Variants in GLIS3 observed in about 807,000 individuals in gnomAD.
GLIS3 encodes the protein zinc finger protein GLIS3.
In GLIS3, 53 loss-of-function variants were observed where a neutral mutation model predicts 78.6. That is an observed-to-expected ratio of 0.67 (90% CI 0.54 to 0.85). The LOEUF (loss-of-function observed/expected upper bound fraction) is 0.85. Among genes scored for constraint, GLIS3 ranks in the 40% least tolerant of loss-of-function variants. GLIS3 has a pLI of 0.00. For missense variants in GLIS3, 1,703 were observed against 1,231.1 expected (o/e 1.38, Z -5.74); for synonymous variants, 684 against 509.9 (o/e 1.34, Z -4.60).
the GLIS3 span, among the ~76,000 whole-genome samples, chr9:4,395,172 C>G: frequency 7.9e-5 from 12 of 152,142 alleles, no homozygotes; most frequent in African/African-American, 2.9e-4. Context: ...AAATTGGGCC[C>G]ATGAATTTAA....
At chr9:4,273,445 T>G (rs879335698) in intron 2 of GLIS3, among the ~76,000 whole-genome samples, 4 of 151,802 alleles carry the variant, frequency 2.6e-5, no homozygotes, top group Non-Finnish European at 5.9e-5. Context: ...AAAATAAAAT[T>G]AGCTGGGCAT....
chr9:3,926,716 G>A (rs999042938), intron 6 of GLIS3, among the ~76,000 whole-genome samples: 7 of 151,492 alleles, frequency 4.6e-5, no homozygotes, highest in African/African-American at 7.3e-5. Context: ...TCTGCCTCCC[G>A]CGTTCAAGGA....
At chr9:3,848,489 C>A (rs1288508900) in intron 9 of GLIS3, among the ~76,000 whole-genome samples, 1 of 152,000 alleles carries the variant, frequency 6.6e-6, no homozygotes, top group Non-Finnish European at 1.5e-5. Flanking sequence ...ACGACAAGAG[C>A]GAAACTCTGT....
intron 2 of GLIS3, among the ~76,000 whole-genome samples, chr9:4,222,927 T>C (rs938235355): frequency 6.6e-6 from 1 of 152,204 alleles, no homozygotes; most frequent in African/African-American, 2.4e-5. Context: ...TGGATTATGC[T>C]CTGTTCTGCT....
At chr9:4,456,260 G>C in the GLIS3 span, among the ~76,000 whole-genome samples, 1 of 152,196 alleles carries the variant, frequency 6.6e-6, no homozygotes, top group African/African-American at 2.4e-5. Context: ...TAAATTTTTG[G>C]TGGTAGTGTC....
chr9:3,891,674 C>G (rs185429963), intron 7 of GLIS3, among the ~76,000 whole-genome samples: 2 of 152,154 alleles, frequency 1.3e-5, no homozygotes, highest in Non-Finnish European at 2.9e-5. Context: ...TGCACTCTAG[C>G]GTGAGTGGCA....
intron 7 of GLIS3, chr9:3,898,467 A>C: frequency 1.7e-6 from 1 of 587,354 alleles, no homozygotes; most frequent in Non-Finnish European, 3.1e-6. Flanking sequence ...TCCATAACTA[A>C]AAGAGGTAAT....
chr9:4,094,165 G>A (rs958931642), intron 4 of GLIS3, among the ~76,000 whole-genome samples: 4 of 152,334 alleles, frequency 2.6e-5, no homozygotes, highest in East Asian at 3.9e-4. Flanking sequence ...ACATGGAAGA[G>A]AAGAGGAAAG....
chr9:3,841,020 G>A lies in GLIS3; in HGVS notation c.2474-11528C>T, dbSNP rs1818681476. 2.6e-5 allele frequency among the ~76,000 whole-genome samples: 4 copies of A among 152,324 alleles called. No individual in the cohort carries two copies. In the South Asian group the frequency reaches 8.3e-4, roughly 32 times the overall value. ...TGCAAAAGGTTCAAACAAGGGGATG[G>A]GAACGGGCAGAGCAGGTGGCTAAAA... is the stretch of plus-strand genomic sequence containing the variant. On this transcript the variant is annotated intron_variant, in intron 9 of 10. Transcript: ENST00000381971.
At chr9:4,374,184 C>G in the GLIS3 span, among the ~76,000 whole-genome samples, 1 of 152,200 alleles carries the variant, frequency 6.6e-6, no homozygotes, top group African/African-American at 2.4e-5. Context: ...ATACTGCCTT[C>G]TAATTGGATG....
intron 4 of GLIS3, among the ~76,000 whole-genome samples, chr9:4,053,980 A>T (rs1825936564): frequency 6.6e-6 from 1 of 152,254 alleles, no homozygotes; most frequent in South Asian, 2.1e-4. Flanking sequence ...CCAAGAATTT[A>T]CTTCAAGGTC....
the GLIS3 span, among the ~76,000 whole-genome samples, chr9:4,411,875 A>G: frequency 6.6e-6 from 1 of 152,238 alleles, no homozygotes; most frequent in African/African-American, 2.4e-5. Flanking sequence ...ATAATTTTAA[A>G]AACACTTTTG....
chr9:4,132,971 G>A (rs747555794), intron 2 of GLIS3, among the ~76,000 whole-genome samples: 4 of 152,068 alleles, frequency 2.6e-5, no homozygotes, highest in Admixed American at 6.6e-5. Flanking sequence ...TTGTTCTGAG[G>A]ATTAAAAGGG....
At chr9:3,941,590 T>C (rs1815922296) in intron 4 of GLIS3, among the ~76,000 whole-genome samples, 1 of 152,156 alleles carries the variant, frequency 6.6e-6, no homozygotes, top group South Asian at 2.1e-4. Flanking sequence ...CATTCCCCTG[T>C]TGAGAAAAAG....
Position 3,824,133 on chromosome 9 carries a change from G to A in GLIS3, c.*4139C>T, listed in dbSNP as rs1817602109. On this transcript the variant is annotated 3_prime_UTR_variant, in exon 11 of 11. Coordinates refer to ENST00000381971, the MANE Select transcript of GLIS3 (RefSeq NM_001042413.2). ...ATTAATAGAATAACCAATAAAACAT[G>A]TATAAAAGCTTTAATTAAATCTGAT... The A allele has an allele frequency of 1.3e-5, 2 of 152,514 alleles. No individual in the cohort carries two copies. Among genetic ancestry groups the A allele is most frequent in the African/African-American group, 2.4e-5 (1 of 41,398 alleles). The allele number at this position is 152,514 out of a possible 1,614,324, so 9.4% of individuals were successfully genotyped here. A position where few individuals can be genotyped will look rare whatever the true frequency, so the allele number is the denominator to read the frequency against.
intron 4 of GLIS3, among the ~76,000 whole-genome samples, chr9:4,033,981 G>T (rs1824093835): frequency 6.6e-6 from 1 of 151,540 alleles, no homozygotes; most frequent in African/African-American, 2.4e-5. Context: ...TAGCACTTTG[G>T]GAGGCTGAGG....
intron 2 of GLIS3, among the ~76,000 whole-genome samples, chr9:4,250,769 A>C (rs570350256): frequency 1.3e-5 from 2 of 152,320 alleles, no homozygotes; most frequent in South Asian, 2.1e-4. Flanking sequence ...ATTTCCCTCT[A>C]AACACTGCTT....
chr9:4,474,175 T>C, the GLIS3 span, among the ~76,000 whole-genome samples: 2 of 152,130 alleles, frequency 1.3e-5, no homozygotes, highest in Non-Finnish European at 2.9e-5. Context: ...ATTTACAATA[T>C]CAAATACCAA....
rs545183601 is a variant in GLIS3 at position 4,109,159 on chromosome 9, A to G, written c.1710+8609T>C. Among the ~76,000 whole-genome samples the G allele has an allele frequency of 3.3e-5, 5 of 152,024 alleles. No homozygotes were observed. In the South Asian group the frequency reaches 1.0e-3, roughly 32 times the overall value. On this transcript the variant is annotated intron_variant, in intron 4 of 10. Transcript: ENST00000381971. ...AGCAGAAAAAAAAAATGTCAAAGTA[A>G]ATCTCAGCAGTGAAGGAAAAAAATC... is the stretch of plus-strand genomic sequence containing the variant.
Sources: allele counts gnomAD v4.1 joint callset (sites outside exome capture counted in the v4.1 genomes callset), GRCh38; gene constraint gnomAD v4.1.1; transcripts MANE v1.5; gene names NCBI Gene and HGNC (gene_info 2026-07-23, HGNC 2026-07-21).